Variants in DAW1 observed in about 807,000 individuals in gnomAD.
The protein encoded by DAW1 is dynein assembly factor with WD repeats 1, also known as dynein assembly factor with WD repeat domains 1.
Under a neutral mutation model 56.5 loss-of-function variants are expected in DAW1, and 47 were observed. The ratio of observed to expected loss-of-function variants is 0.83; its 90% CI spans 0.66 to 1.06. The LOEUF (loss-of-function observed/expected upper bound fraction) is 1.06, where lower values mean the gene tolerates loss of function less well. Ranked by LOEUF, DAW1 falls within the 50% of genes least tolerant of loss-of-function variation. The pLI is 0.00. For synonymous variants in DAW1, 190 were observed against 179.0 expected, an observed-to-expected ratio of 1.06 and a Z score of -0.49; for missense variants, 505 against 499.3, an observed-to-expected ratio of 1.01 and a Z score of -0.11.
intron 11 of DAW1, 67 bp from the exon 12 acceptor site, chr2:227,921,332 T>G: frequency 4.1e-5 from 8 of 196,966 alleles, no homozygotes; most frequent in East Asian, 1.1e-4. Context: ...TTTTTTTTTT[T>G]TGCTGATAAG....
At chr2:227,918,150 A>G (rs977632198) in intron 10 of DAW1, among the ~76,000 whole-genome samples, 1 of 96,406 alleles carries the variant, frequency 1.0e-5, no homozygotes, top group African/African-American at 3.6e-5. Flanking sequence ...CCGTCCATCC[A>G]TCCATCCATC....
chr2:227,906,150 T>C, intron 8 of DAW1, 86 bp from the exon 9 acceptor site: 2 of 1,027,602 alleles, frequency 1.9e-6, no homozygotes, highest in Middle Eastern at 2.1e-4. Context: ...TAGATTAGCT[T>C]ACACAGATGG....
At chr2:227,884,360 G>T (rs1559303011) in intron 1 of DAW1, among the ~76,000 whole-genome samples, 1 of 151,938 alleles carries the variant, frequency 6.6e-6, no homozygotes, top group Non-Finnish European at 1.5e-5. Flanking sequence ...GATTGTCCTT[G>T]GTATAATAGG....
At chr2:227,872,417 G>A (rs533333105) in intron 1 of DAW1, 3 of 152,274 alleles carry the variant, frequency 2.0e-5, no homozygotes, top group South Asian at 2.1e-4. Flanking sequence ...ACTTTGGACC[G>A]GTTTTGTTAA....
chr2:227,896,007 T>G (rs1691398688), intron 5 of DAW1, among the ~76,000 whole-genome samples: 1 of 152,180 alleles, frequency 6.6e-6, no homozygotes, highest in Non-Finnish European at 1.5e-5. Context: ...TATACTACAG[T>G]TAAAAAACTT....
At chr2:227,876,449 G>A in intron 1 of DAW1, 11 of 1,302,476 alleles carry the variant, frequency 8.4e-6, no homozygotes, top group Middle Eastern at 2.1e-4. Context: ...CCAGTCTTTG[G>A]TGAGCCAAAT....
intron 2 of DAW1, chr2:227,889,403 T>G (rs1691205932): frequency 6.6e-6 from 1 of 152,600 alleles, no homozygotes; most frequent in African/African-American, 2.4e-5. Context: ...GCAAAAGGGA[T>G]GAACTCTCTT....
intron 1 of DAW1, among the ~76,000 whole-genome samples, chr2:227,882,336 G>A (rs7579859): frequency 0.48 from 73,490 of 151,948 alleles, 17,975 homozygotes; most frequent in Admixed American, 0.58. Context: ...AGCAGTGGAA[G>A]GTGAAACTGC....
intron 1 of DAW1, among the ~76,000 whole-genome samples, chr2:227,878,023 T>A (rs941353821): frequency 4.6e-5 from 7 of 152,260 alleles, no homozygotes; most frequent in African/African-American, 1.7e-4. Flanking sequence ...TCGAACCTTT[T>A]TACTTTATTA....
chr2:227,903,718 C>A (rs1234651909), intron 7 of DAW1, among the ~76,000 whole-genome samples: 1 of 143,632 alleles, frequency 7.0e-6, no homozygotes, highest in Non-Finnish European at 1.5e-5. Context: ...CAGCCCAAGT[C>A]ACTGCAACAA....
In DAW1 at chr2:227,874,963, A is replaced by AAAACAAACAAACAAACAAAC. The variant is rs55786766; in HGVS notation, c.40+3240_40+3259dup. On this transcript the variant is annotated intron_variant, in intron 1 of 12. Transcript: ENST00000309931. ...GGGTGCCAGAGCAAGACTCTGTCTC[A>AAAACAAACAAACAAACAAAC]AAACAAACAAACAAACAAACAAACA... 8.5e-3 allele frequency among the ~76,000 whole-genome samples: 1,000 copies of AAAACAAACAAACAAACAAAC among 117,874 alleles called. 2 individuals carry two copies. The highest frequency in any genetic ancestry group is 0.014 in the Admixed American group (147 of 10,270). 77.3% of individuals were successfully genotyped at this position (117,874 alleles called of 152,430 possible).
intron 12 of DAW1, among the ~76,000 whole-genome samples, chr2:227,923,616 G>A (rs575886215): frequency 6.6e-6 from 1 of 152,234 alleles, no homozygotes; most frequent in East Asian, 1.9e-4. Context: ...TGATGTTTGA[G>A]GGGACGGCAG....
At position 227,918,736 on chromosome 2, in the gene DAW1, G is replaced by T. The variant is rs755995480; in HGVS notation, c.974-44G>T. ...TGCAAAGTCTTTTATCCAAAGTTCT[G>T]TATTTAAGATGAATTTATATATATC... On this transcript the variant is annotated intron_variant, in intron 10 of 12. Transcript: ENST00000309931. 9 of 1,599,588 alleles carry T rather than the reference G, an allele frequency of 5.6e-6. No individual in the cohort carries two copies. In the Admixed American group the frequency reaches 1.5e-4, roughly 27 times the overall value.
chr2:227,913,885 G>GTCTA (rs1559313580), intron 10 of DAW1, among the ~76,000 whole-genome samples: 5 of 92,856 alleles, frequency 5.4e-5, no homozygotes, highest in Admixed American at 1.1e-4. Context: ...CTATCTATCT[G>GTCTA]TCTGTCTGTC....
At position 227,924,147 on chromosome 2, in the gene DAW1, C is replaced by G; in HGVS notation, c.*179C>G. 1.5e-6 allele frequency: 1 copy of G among 686,582 alleles called. No homozygotes were observed. The highest frequency in any genetic ancestry group is 2.7e-5 in the East Asian group (1 of 36,536). The allele number at this position is 686,582 out of a possible 1,614,324, so 42.5% of individuals were successfully genotyped here. On this transcript the variant is annotated 3_prime_UTR_variant, in exon 13 of 13. Transcript: ENST00000309931. The stretch of plus-strand genomic sequence containing the variant: ...TTAAACATGACAAAGTTATGCCACT[C>G]CAATATTATTATTTGATGGCGATGG...
chr2:227,920,168 A>G (rs975149674), intron 11 of DAW1, among the ~76,000 whole-genome samples: 5 of 152,340 alleles, frequency 3.3e-5, no homozygotes, highest in Middle Eastern at 6.8e-3. Flanking sequence ...AGTGAATACA[A>G]AGAATTCTCT....
At chr2:227,911,954 C>G (rs1028351228) in intron 10 of DAW1, among the ~76,000 whole-genome samples, 1 of 152,152 alleles carries the variant, frequency 6.6e-6, no homozygotes, top group Non-Finnish European at 1.5e-5. Flanking sequence ...CTCTCTGACA[C>G]TTATGCCCCT....
At chr2:227,902,954 C>T (rs770235813) in intron 6 of DAW1, 48 bp from the exon 7 acceptor site, 1 of 1,570,110 alleles carries the variant, frequency 6.4e-7, no homozygotes, top group Non-Finnish European at 8.8e-7. Context: ...ATAATTAACA[C>T]TTTGAAACTC....
chr2:227,923,919 A>C lies in DAW1; in HGVS notation c.1214-15A>C. The C allele has an allele frequency of 6.2e-7, 1 of 1,613,622 alleles. No homozygotes were observed. Among genetic ancestry groups the C allele is most frequent in the Non-Finnish European group, 8.5e-7 (1 of 1,179,658 alleles). Reference sequence around the variant, plus strand: ...AATGAAGAAAAAAATAACTGCATGAAATCTGTTTTATTAGGCAGCAAGGAT... The same window carrying C: ...AATGAAGAAAAAAATAACTGCATGACATCTGTTTTATTAGGCAGCAAGGAT... On this transcript the variant is annotated splice_polypyrimidine_tract_variant and intron_variant, in intron 12 of 12. Coordinates refer to ENST00000309931, the MANE Select transcript of DAW1 (RefSeq NM_178821.3).
Sources: gnomAD v4.1 joint callset for allele counts (sites outside exome capture counted in the v4.1 genomes callset) on GRCh38, gnomAD v4.1.1 for gene constraint, MANE v1.5 for transcripts, NCBI Gene and HGNC (gene_info 2026-07-23, HGNC 2026-07-21) for gene names.